PIGG: variants seen among roughly 807,000 people sequenced by gnomAD.
PIGG encodes the protein phosphatidylinositol glycan anchor biosynthesis class G (EMM blood group).
In PIGG, 70 loss-of-function variants were observed where a neutral mutation model predicts 83.2. The ratio of observed to expected loss-of-function variants is 0.84; its 90% CI spans 0.69 to 1.03. The LOEUF (loss-of-function observed/expected upper bound fraction) is 1.03, where lower values mean the gene tolerates loss of function less well. Among genes scored for constraint, PIGG ranks in the 50% least tolerant of loss-of-function variants. The probability of loss-of-function intolerance (pLI) is 0.00; values close to 1 mark genes in which losing one functional copy is unlikely to be tolerated. For missense variants in PIGG, 1,257 were observed against 1,233.6 expected (o/e 1.02, Z -0.28); for synonymous variants, 532 against 519.5 (o/e 1.02, Z -0.33).
chr4:526,163 G>C (rs924520398), intron 9 of PIGG, among the ~76,000 whole-genome samples: 1 of 152,210 alleles, frequency 6.6e-6, no homozygotes, highest in East Asian at 1.9e-4. Context: ...CAATTATATT[G>C]TTATAAATGT....
rs1471613469 is a variant in PIGG at position 527,143 on chromosome 4, C to T, written c.2174C>T (p.Ala725Val). 4.3e-6 allele frequency: 7 copies of T among 1,614,070 alleles called. No homozygotes were observed. In the East Asian group the frequency reaches 6.7e-5, roughly 15 times the overall value. The change falls in exon 10 of 13, where the codon GCG (alanine) becomes GTG (valine). Residue 725 changes from alanine (A) to valine (V), a missense_variant. Transcript: ENST00000453061. ...TCCCCTGTGTCCAAGGCTGCCCTGG[C>T]GCTGGGGCTGCTGGGCGTCTACTGC... is the stretch of plus-strand genomic sequence containing the variant. Reference protein sequence around the residue: ...GCSPVSKAALALGLLGVYCYR... With the variant: ...GCSPVSKAALVLGLLGVYCYR...
chr4:511,162 G>A (rs1359892137), intron 5 of PIGG, among the ~76,000 whole-genome samples: 6 of 151,948 alleles, frequency 3.9e-5, no homozygotes, highest in Admixed American at 1.3e-4. Flanking sequence ...GTGTGGTGGC[G>A]CATGCCTGTA....
intron 12 of PIGG, among the ~76,000 whole-genome samples, chr4:534,684 G>A (rs1028654662): frequency 6.6e-6 from 1 of 152,190 alleles, no homozygotes; most frequent in Admixed American, 6.5e-5. Context: ...CCCGTCTCCT[G>A]GCAGCTTCGT....
At chr4:520,290 A>G (rs1577086777) in intron 6 of PIGG, among the ~76,000 whole-genome samples, 1 of 152,226 alleles carries the variant, frequency 6.6e-6, no homozygotes, top group Admixed American at 6.5e-5. Flanking sequence ...GTCTAATCAC[A>G]AGTGAGTGTG....
chr4:528,179 G>A lies in PIGG; in HGVS notation c.2261+949G>A, dbSNP rs2109002106. The A allele has an allele frequency of 1.0e-6, 1 of 985,296 alleles. No individual in the cohort carries two copies. The highest frequency in any genetic ancestry group is 1.7e-5 in the African/African-American group (1 of 57,332). The allele number at this position is 985,296 out of a possible 1,614,324, so 61.0% of individuals were successfully genotyped here. A position where few individuals can be genotyped will look rare whatever the true frequency, so the allele number is the denominator to read the frequency against. ...AGGCAGCCTATTTTCACAGAACAGA[G>A]AAGCATGTTGTGGAACAGGTATGAC... is the stretch of plus-strand genomic sequence containing the variant. On this transcript the variant is annotated intron_variant, in intron 10 of 12. Coordinates refer to ENST00000453061, the MANE Select transcript of PIGG (RefSeq NM_001127178.3). The surrounding 1 kb of genome is among the most constrained non-coding windows in gnomAD (Gnocchi z 4.8).
At chr4:526,124 C>CCACATTCA (rs1235048315) in intron 9 of PIGG, among the ~76,000 whole-genome samples, 1 of 152,128 alleles carries the variant, frequency 6.6e-6, no homozygotes, top group Non-Finnish European at 1.5e-5. Flanking sequence ...TTGAGGCAGC[C>CCACATTCA]CACATTCATA....
At position 528,157 on chromosome 4, in the gene PIGG, C is replaced by G. The variant is rs187653983; in HGVS notation, c.2261+927C>G. 1.3e-5 allele frequency: 13 copies of G among 985,260 alleles called. No individual in the cohort carries two copies. The East Asian group carries it at 1.5e-3, about 112-fold the overall frequency. 61.0% of individuals were successfully genotyped at this position (985,260 alleles called of 1,614,324 possible). On this transcript the variant is annotated intron_variant, in intron 10 of 12. Transcript: ENST00000453061. The surrounding 1 kb of genome is among the most constrained non-coding windows in gnomAD (Gnocchi z 4.8). ...GCAGAGGGGTCTTCTGGCTGTTAGG[C>G]AGCCTATTTTCACAGAACAGAGAAG...
At position 523,673 on chromosome 4, in the gene PIGG, G is replaced by T. The variant is rs749514390; in HGVS notation, c.1829G>T (p.Cys610Phe). Residue 610 changes from cysteine (C) to phenylalanine (F), a missense_variant, in exon 9 of 13, where the codon TGT becomes TTT. Cys to Phe is a radical substitution (Grantham distance 205). Coordinates refer to ENST00000453061, the MANE Select transcript of PIGG (RefSeq NM_001127178.3). ...GDDGEPPCGL[C>F]VEQGHDGATA... The stretch of plus-strand genomic sequence containing the variant: ...GACGGTGAGCCTCCGTGTGGCCTCT[G>T]TGTGGAACAAGGGCATGACGGGGCC... The T allele has an allele frequency of 2.5e-6, 4 of 1,614,226 alleles. No homozygotes were observed. The East Asian group carries it at 8.9e-5, about 36-fold the overall frequency.
intron 9 of PIGG, 137 bp from the exon 10 acceptor site, chr4:526,902 A>G (rs1241738450): frequency 3.0e-6 from 3 of 989,918 alleles, no homozygotes; most frequent in East Asian, 5.3e-5. Context: ...TGAAAATAAA[A>G]ATCAACAATT....
intron 12 of PIGG, among the ~76,000 whole-genome samples, chr4:534,818 C>G (rs890228483): frequency 1.3e-5 from 2 of 152,164 alleles, no homozygotes; most frequent in South Asian, 4.1e-4. Flanking sequence ...TGCAGCCCCC[C>G]ATCCACACAC....
Position 499,232 on chromosome 4 carries a change from C to T in PIGG, c.-104C>T, listed in dbSNP as rs1258098628. On this transcript the variant is annotated 5_prime_UTR_variant, in exon 1 of 13. Coordinates refer to ENST00000453061, the MANE Select transcript of PIGG (RefSeq NM_001127178.3). ...GCCACTGTCGCTGCGACGATAAGGC[C>T]TGGCGTTATTGCTTAGAGGCGGCTA... 4 of 1,271,934 alleles carry T rather than the reference C, an allele frequency of 3.1e-6. No homozygotes were observed. The highest frequency in any genetic ancestry group is 4.4e-6 in the Non-Finnish European group (4 of 914,276). 78.8% of individuals were successfully genotyped at this position (1,271,934 alleles called of 1,614,324 possible).
At position 508,925 on chromosome 4, in the gene PIGG, A is replaced by C. The variant is rs1553881570; in HGVS notation, c.856A>C (p.Asn286His). 4 of 1,611,778 alleles carry C rather than the reference A, an allele frequency of 2.5e-6. No individual in the cohort carries two copies. Among genetic ancestry groups the C allele is most frequent in the Non-Finnish European group, 3.4e-6 (4 of 1,177,936 alleles). Residue 286 changes from asparagine to histidine, a missense_variant, in exon 5 of 13, where the codon AAT becomes CAT. Physicochemically the swap from Asn to His is moderately conservative, Grantham distance 68. Transcript: ENST00000453061. ...SHGASSTEEVNTPLILISSAF... is the reference protein window; with the variant it reads ...SHGASSTEEVHTPLILISSAF... ...CGGGGCCTCCTCCACCGAGGAGGTG[A>C]ATACACCTCTGATTTTAATCAGTTC...
Position 533,892 on chromosome 4 carries a change from A to T in PIGG, c.2646A>T (p.Pro882=). 1.2e-6 allele frequency: 2 copies of T among 1,614,218 alleles called. No individual in the cohort carries two copies. The highest frequency in any genetic ancestry group is 1.7e-6 in the Non-Finnish European group (2 of 1,180,018). Residue 882 remains proline (P), a synonymous_variant, in exon 12 of 13, where the codon CCA becomes CCT. Coordinates refer to ENST00000453061, the MANE Select transcript of PIGG (RefSeq NM_001127178.3). ...GCTTAGACACCTACGTGGAAATCCC[A>T]GCCGTGCTCCTGACAGCGTTTGGGA... The part of the protein sequence containing the change: ...FVGLDTYVEI[P]AVLLTAFGTY...
Position 530,463 on chromosome 4 carries a change from T to C in PIGG, c.2289T>C (p.Tyr763=). 6.2e-7 allele frequency: 1 copy of C among 1,613,610 alleles called. No individual in the cohort carries two copies. The highest frequency in any genetic ancestry group is 8.5e-7 in the Non-Finnish European group (1 of 1,179,564). The change falls in exon 11 of 13, where the codon TAT becomes TAC. Residue 763 remains tyrosine (Y), a synonymous_variant. Transcript: ENST00000453061. ...GTATTATTGAAGCTCGTTTTGTTTA[T>C]GTCTTTGTCCTTGGCATTCTGTTCA... ...SKGIIEARFV[Y]VFVLGILFTG... is the part of the protein sequence containing the mutation.
Position 500,456 on chromosome 4 carries a change from T to C in PIGG, c.215T>C (p.Leu72Pro), listed in dbSNP as rs1553875056. ...CTCTTCAGTAAAGTTGTTATTGTTC[T>C]GATAGATGCCTTGAGAGATGATTTT... Reference protein sequence around the residue: ...PPLFSKVVIVLIDALRDDFVF... With the variant: ...PPLFSKVVIVPIDALRDDFVF... The change falls in exon 2 of 13, where the codon CTG (leucine) becomes CCG (proline). Residue 72 changes from leucine to proline, a missense_variant. By Grantham distance (98) the Leu-to-Pro change is moderately conservative (BLOSUM62 -3). Transcript: ENST00000453061. 6.2e-7 allele frequency: 1 copy of C among 1,614,036 alleles called. No homozygotes were observed. The highest frequency in any genetic ancestry group is 8.5e-7 in the Non-Finnish European group (1 of 1,179,842).
At chr4:511,886 T>C (rs544511953) in intron 5 of PIGG, among the ~76,000 whole-genome samples, 17 of 152,356 alleles carry the variant, frequency 1.1e-4, no homozygotes, top group Non-Finnish European at 1.9e-4. Flanking sequence ...TTGGCTGTTT[T>C]TTCTTTCAGC....
chr4:507,340 TC>T, intron 3 of PIGG, 64 bp from the exon 4 acceptor site: 1 of 1,317,222 alleles, frequency 7.6e-7, no homozygotes, highest in Admixed American at 2.0e-5. Flanking sequence ...TGTTGCGTTT[TC>T]CCCGGGGAGT....
intron 12 of PIGG, among the ~76,000 whole-genome samples, chr4:534,346 G>A (rs965642063): frequency 3.3e-5 from 5 of 152,234 alleles, no homozygotes; most frequent in Admixed American, 6.5e-5. Flanking sequence ...AGGGCGGGTC[G>A]TCCTTCCCCT....
intron 9 of PIGG, chr4:525,150 TTCTC>T: frequency 1.0e-6 from 1 of 977,776 alleles, no homozygotes; most frequent in Non-Finnish European, 1.2e-6. Flanking sequence ...ATCCTCCCTT[TTCTC>T]TCTCCTCATC....
Sources: allele counts gnomAD v4.1 joint callset (sites outside exome capture counted in the v4.1 genomes callset), GRCh38; gene constraint gnomAD v4.1.1; non-coding constraint Gnocchi (gnomAD v3.1); transcripts MANE v1.5; gene names NCBI Gene and HGNC (gene_info 2026-07-23, HGNC 2026-07-21).